ACAP2: variants seen among roughly 807,000 people sequenced by gnomAD.
The protein encoded by ACAP2 is ArfGAP with coiled-coil, ankyrin repeat and PH domains 2.
A neutral mutation model predicts 115.8 loss-of-function variants in ACAP2; 39 were observed. That is an observed-to-expected ratio of 0.34 (90% confidence interval 0.26 to 0.44). The LOEUF (loss-of-function observed/expected upper bound fraction) is 0.44. ACAP2 is among the 20% of genes least tolerant of loss of function. ACAP2 has a pLI of 1.00. For synonymous variants in ACAP2, 289 were observed against 315.8 expected (o/e 0.92, Z 0.90); for missense variants, 662 against 927.6 (o/e 0.71, Z 3.72).
chr3:195,327,191 G>A (rs1487679352), intron 8 of ACAP2, among the ~76,000 whole-genome samples: 3 of 152,080 alleles, frequency 2.0e-5, no homozygotes, highest in Admixed American at 6.6e-5. Context: ...AACAGTCATG[G>A]TGCCATACAT....
At chr3:195,374,032 A>G (rs1246287480) in intron 4 of ACAP2, among the ~76,000 whole-genome samples, 2 of 152,202 alleles carry the variant, frequency 1.3e-5, no homozygotes, top group African/African-American at 4.8e-5. Flanking sequence ...AAGAATTATT[A>G]AAAGTAGGCA....
At chr3:195,301,842 G>T in intron 14 of ACAP2, 124 bp downstream of exon 14, 2 of 1,276,242 alleles carry the variant, frequency 1.6e-6, no homozygotes, top group Non-Finnish European at 2.2e-6. Context: ...TTCTTAAAAG[G>T]TACAAAGATA....
intron 1 of ACAP2, among the ~76,000 whole-genome samples, chr3:195,436,811 AT>A (rs1009682819): frequency 2.7e-4 from 41 of 152,200 alleles, no homozygotes; most frequent in African/African-American, 8.9e-4. Context: ...TGAAGAATGA[AT>A]TTTTTTTAAA....
In ACAP2 at chr3:195,325,292, C is replaced by T. The variant is rs114154218; in HGVS notation, c.744+1593G>A. Among the ~76,000 whole-genome samples, 267 of 152,108 alleles carry T rather than the reference C, an allele frequency of 1.8e-3. 1 individual carries two copies. The highest frequency in any genetic ancestry group is 5.0e-3 in the African/African-American group (207 of 41,500). On this transcript the variant is annotated intron_variant, in intron 9 of 22. Coordinates refer to ENST00000326793, the MANE Select transcript of ACAP2 (RefSeq NM_012287.6). ...ATAAATACATGAGAAATGTAAAATG[C>T]GTGCACGTATCTGCACATGAATGTT...
In ACAP2 at chr3:195,371,157, T is replaced by C. The variant is rs191042687; in HGVS notation, c.285+9852A>G. Among the ~76,000 whole-genome samples the C allele has an allele frequency of 5.3e-3, 807 of 152,306 alleles. 3 individuals are homozygous for C. Among genetic ancestry groups the C allele is most frequent in the Middle Eastern group, 0.024 (7 of 294 alleles). On this transcript the variant is annotated intron_variant, in intron 4 of 22. Coordinates refer to ENST00000326793, the MANE Select transcript of ACAP2 (RefSeq NM_012287.6). ...GAATCTGTAAATTCCTTGGGCTGTA[T>C]GGCCATTTTAACAGTCTTAATTCTA...
chr3:195,304,122 C>T (rs533126047), intron 13 of ACAP2, among the ~76,000 whole-genome samples: 1 of 140,282 alleles, frequency 7.1e-6, no homozygotes, highest in East Asian at 2.2e-4. Context: ...TGAGACCGTG[C>T]CCCTGCACAC....
intron 1 of ACAP2, among the ~76,000 whole-genome samples, chr3:195,437,141 G>A (rs1206698070): frequency 6.6e-6 from 1 of 152,132 alleles, no homozygotes; most frequent in Non-Finnish European, 1.5e-5. Flanking sequence ...TCAAACTCCA[G>A]GGCATCACAA....
At chr3:195,309,682 G>A (rs1051864433) in intron 10 of ACAP2, among the ~76,000 whole-genome samples, 2 of 151,746 alleles carry the variant, frequency 1.3e-5, no homozygotes, top group East Asian at 2.0e-4. Flanking sequence ...TGTCAGAACC[G>A]ACATCTAACA....
chr3:195,286,393 C>T (rs886339574), intron 21 of ACAP2, among the ~76,000 whole-genome samples: 7 of 152,316 alleles, frequency 4.6e-5, no homozygotes, highest in Admixed American at 1.3e-4. Context: ...ATTGCTTATA[C>T]ATTCTTTTTA....
At chr3:195,382,406 G>C (rs1244424378) in intron 2 of ACAP2, among the ~76,000 whole-genome samples, 8 of 151,610 alleles carry the variant, frequency 5.3e-5, no homozygotes, top group Middle Eastern at 3.4e-3. Flanking sequence ...TATTGTTCCA[G>C]GCATTGTCTA....
intron 1 of ACAP2, among the ~76,000 whole-genome samples, chr3:195,439,652 A>C (rs1213041621): frequency 6.6e-6 from 1 of 150,738 alleles, no homozygotes; most frequent in Non-Finnish European, 1.5e-5. Flanking sequence ...TTTTTGAGAC[A>C]GTCTCGCTCT....
chr3:195,440,390 T>C (rs1367070148), intron 1 of ACAP2, among the ~76,000 whole-genome samples: 2 of 152,228 alleles, frequency 1.3e-5, no homozygotes, highest in African/African-American at 4.8e-5. Context: ...AATAGATGTT[T>C]AAAGCTTGAA....
intron 22 of ACAP2, among the ~76,000 whole-genome samples, chr3:195,280,397 G>A (rs182784214): frequency 2.0e-4 from 30 of 152,188 alleles, no homozygotes; most frequent in African/African-American, 4.8e-4. Context: ...GCTTGAACCC[G>A]GGAGGTGGAG....
chr3:195,357,408 A>C (rs1464058647), intron 4 of ACAP2, among the ~76,000 whole-genome samples: 1 of 152,160 alleles, frequency 6.6e-6, no homozygotes, highest in African/African-American at 2.4e-5. Flanking sequence ...CACCACCCCG[A>C]AGGGAAATAC....
At chr3:195,345,575 C>G (rs1731143519) in intron 4 of ACAP2, among the ~76,000 whole-genome samples, 1 of 152,138 alleles carries the variant, frequency 6.6e-6, no homozygotes, top group African/African-American at 2.4e-5. Context: ...AATGCTCAAA[C>G]AATGGAGCAA....
intron 1 of ACAP2, among the ~76,000 whole-genome samples, chr3:195,395,326 G>A (rs1417006144): frequency 1.3e-5 from 2 of 152,104 alleles, no homozygotes; most frequent in Admixed American, 1.3e-4. Context: ...GAGCAAAACA[G>A]AGAATAAGTA....
chr3:195,381,955 A>G lies in ACAP2; in HGVS notation c.179T>C (p.Met60Thr), dbSNP rs1560309364. The G allele has an allele frequency of 6.2e-7, 1 of 1,613,046 alleles. No homozygotes were observed. The highest frequency in any genetic ancestry group is 8.5e-7 in the Non-Finnish European group (1 of 1,179,660). ...KAFCVANKQF[M>T]NGIRDLAQYS... ...CTGAGCCAGGTCTCGAATCCCATTC[A>G]TGAACTGTTTATTTGCAACACAAAA... The change falls in exon 3 of 23, where the codon ATG becomes ACG. Residue 60 changes from methionine (M) to threonine (T), a missense_variant. Around this residue, in one of 3 missense-constraint regions of ACAP2, gnomAD observed 401 missense variants for 604.4 expected, o/e 0.66. Coordinates refer to ENST00000326793, the MANE Select transcript of ACAP2 (RefSeq NM_012287.6).
At chr3:195,437,332 G>A (rs573618855) in intron 1 of ACAP2, among the ~76,000 whole-genome samples, 1 of 152,084 alleles carries the variant, frequency 6.6e-6, no homozygotes, top group Non-Finnish European at 1.5e-5. Flanking sequence ...ATAAGCTACT[G>A]CACCCAGCCT....
intron 18 of ACAP2, 118 bp from the exon 19 acceptor site, chr3:195,292,570 A>G: frequency 1.1e-6 from 1 of 910,178 alleles, no homozygotes; most frequent in South Asian, 1.7e-5. Context: ...GATGAATGGC[A>G]GTAAAGATAG....
Sources: gnomAD v4.1 joint callset for allele counts (sites outside exome capture counted in the v4.1 genomes callset) on GRCh38, gnomAD v4.1.1 for gene constraint, gnomAD v4.1.1 regional missense constraint, MANE v1.5 for transcripts, NCBI Gene and HGNC (gene_info 2026-07-23, HGNC 2026-07-21) for gene names.